Variants in LTBP4 observed in about 807,000 individuals in gnomAD.
LTBP4 encodes latent-transforming growth factor beta-binding protein 4.
A neutral mutation model predicts 180.2 loss-of-function variants in LTBP4; 93 were observed. The ratio of observed to expected loss-of-function variants is 0.52; its 90% CI spans 0.44 to 0.61. The LOEUF is 0.61. Among genes scored for constraint, LTBP4 ranks in the 20% least tolerant of loss-of-function variants. The pLI, the probability that LTBP4 is intolerant of heterozygous loss-of-function variation, is 0.00. For synonymous variants in LTBP4, 947 were observed against 934.5 expected, an observed-to-expected ratio of 1.01 and a Z score of -0.24; for missense variants, 2,116 against 2,256.5, an observed-to-expected ratio of 0.94 and a Z score of 1.26.
Position 40,613,713 on chromosome 19 carries a change from C to A in LTBP4, c.2557+184C>A. 1 of 1,216,808 alleles carries A rather than the reference C, an allele frequency of 8.2e-7. No homozygotes were observed. Among genetic ancestry groups the A allele is most frequent in the Non-Finnish European group, 1.2e-6 (1 of 862,894 alleles). The allele number at this position is 1,216,808 out of a possible 1,614,324, so 75.4% of individuals were successfully genotyped here. A position where few individuals can be genotyped will look rare whatever the true frequency, so the allele number is the denominator to read the frequency against. ...GGGCGGGGCGTGGAGATGAAAGGGC[C>A]GAGTCTGGGTATTTGGACCGTGATT... On this transcript the variant is annotated intron_variant, in intron 17 of 29. Coordinates refer to ENST00000396819, the MANE Select transcript of LTBP4 (RefSeq NM_001042545.2). The surrounding 1 kb of genome is among the most constrained non-coding windows in gnomAD (Gnocchi z 5.0).
Position 40,601,632 on chromosome 19 carries a change from G to T in LTBP4, c.245G>T (p.Arg82Leu), listed in dbSNP as rs2081424902. 2 of 1,367,682 alleles carry T rather than the reference G, an allele frequency of 1.5e-6. No homozygotes were observed. Among genetic ancestry groups the T allele is most frequent in the Non-Finnish European group, 1.9e-6 (2 of 1,067,418 alleles). The allele number at this position is 1,367,682 out of a possible 1,614,324, so 84.7% of individuals were successfully genotyped here. A position where few individuals can be genotyped will look rare whatever the true frequency, so the allele number is the denominator to read the frequency against. Residue 82 changes from arginine to leucine, a missense_variant, in exon 1 of 30, where the codon CGC becomes CTC. Coordinates refer to ENST00000396819, the MANE Select transcript of LTBP4 (RefSeq NM_001042545.2). ...GCGGCCCCGGGGGGACCCGGCTTCCGCGCCTGTGAGTGCGGGGTGGTGGTC... is the reference window on the plus strand; with the variant it reads ...GCGGCCCCGGGGGGACCCGGCTTCCTCGCCTGTGAGTGCGGGGTGGTGGTC... ...GGAAPGGPGF[R>L]AFLCPLICHN...
upstream of LTBP4, chr19:40,597,359 G>C (rs2081396768): frequency 6.6e-7 from 1 of 1,520,860 alleles, no homozygotes; most frequent in Admixed American, 2.0e-5. Context: ...GAGGTCCCGG[G>C]GGTCCCCAGC....
Position 40,605,673 on chromosome 19 carries a change from A to G in LTBP4, c.690+21A>G. Reference sequence around the variant, plus strand: ...GCGAAGTGAGAGGAGGCCCGTGGGGAGGGGCCCGGAGCTTGCCTCCGCGCG... The same window carrying G: ...GCGAAGTGAGAGGAGGCCCGTGGGGGGGGGCCCGGAGCTTGCCTCCGCGCG... On this transcript the variant is annotated intron_variant, in intron 3 of 29. Coordinates refer to ENST00000396819, the MANE Select transcript of LTBP4 (RefSeq NM_001042545.2). The surrounding 1 kb of genome is among the most constrained non-coding windows in gnomAD (Gnocchi z 5.5). 1 of 1,550,648 alleles carries G rather than the reference A, an allele frequency of 6.4e-7. No individual in the cohort carries two copies. Among genetic ancestry groups the G allele is most frequent in the South Asian group, 1.2e-5 (1 of 84,050 alleles).
In LTBP4 at chr19:40,616,326, C is replaced by CAAAAA. The variant is rs1220270634; in HGVS notation, c.2813-562_2813-561insAAAAA. ...GAAAAAAAAGCTGGATGGGGTGGCT[C>CAAAAA]ATGCCTATAATCCCAGCACTTTGGA... On this transcript the variant is annotated intron_variant, in intron 19 of 29. Transcript: ENST00000396819. Among the ~76,000 whole-genome samples, 14 of 145,586 alleles carry CAAAAA rather than the reference C, an allele frequency of 9.6e-5. 1 individual carries two copies. Among genetic ancestry groups the CAAAAA allele is most frequent in the African/African-American group, 1.3e-4 (5 of 38,214 alleles).
Position 40,617,738 on chromosome 19 carries a change from T to C in LTBP4, c.3070+513T>C, listed in dbSNP as rs2081560720. Among the ~76,000 whole-genome samples the C allele has an allele frequency of 2.0e-5, 3 of 152,158 alleles. No individual in the cohort carries two copies. The South Asian group carries it at 6.2e-4, about 32-fold the overall frequency. On this transcript the variant is annotated intron_variant, in intron 21 of 29. Coordinates refer to ENST00000396819, the MANE Select transcript of LTBP4 (RefSeq NM_001042545.2). Reference sequence around the variant, plus strand: ...GGTTTTATTTTTGTGTGTGTTCTTTTAAAAATGTATAAAGTATAAATGTAT... The same window carrying C: ...GGTTTTATTTTTGTGTGTGTTCTTTCAAAAATGTATAAAGTATAAATGTAT...
In LTBP4 at chr19:40,625,248, GTATTTATATATATATATATATATATATA is replaced by G. The variant is rs2081615796; in HGVS notation, c.3833-605_3833-578del. ...CCGCCACCAAGCCTGGCTAATTTTT[GTATTTATATATATATATATATATATATA>G]TATATATATATATATATATATATAT... On this transcript the variant is annotated intron_variant, in intron 26 of 29. Transcript: ENST00000396819. 1.3e-3 allele frequency among the ~76,000 whole-genome samples: 78 copies of G among 58,716 alleles called. 2 individuals carry two copies. Among genetic ancestry groups the G allele is most frequent in the Non-Finnish European group, 1.4e-3 (43 of 30,070 alleles). The allele number at this position is 58,716 out of a possible 152,430, so 38.5% of individuals were successfully genotyped here. A position where few individuals can be genotyped will look rare whatever the true frequency, so the allele number is the denominator to read the frequency against.
Position 40,613,402 on chromosome 19 carries a change from A to G in LTBP4, c.2432-2A>G. ...CTCCGCCCAATCTCCCGCGTACCCTAGACGTGAACGAGTGCCTGGAGGGCG... is the reference window on the plus strand; with the variant it reads ...CTCCGCCCAATCTCCCGCGTACCCTGGACGTGAACGAGTGCCTGGAGGGCG... On this transcript the variant is annotated splice_acceptor_variant, in intron 16 of 29. Coordinates refer to ENST00000396819, the MANE Select transcript of LTBP4 (RefSeq NM_001042545.2). LOFTEE classifies it high-confidence loss of function. This position sits in a 1 kb window ranked among gnomAD's most constrained non-coding sequence, Gnocchi z 5.0. The G allele has an allele frequency of 6.2e-7, 1 of 1,606,358 alleles. No individual in the cohort carries two copies. The highest frequency in any genetic ancestry group is 8.5e-7 in the Non-Finnish European group (1 of 1,177,082).
intron 19 of LTBP4, among the ~76,000 whole-genome samples, chr19:40,615,983 G>C (rs1290864800): frequency 6.6e-6 from 1 of 152,172 alleles, no homozygotes; most frequent in Non-Finnish European, 1.5e-5. Context: ...GGATGGAGGA[G>C]TGCTAGGAGG....
chr19:40,600,116 A>C (rs1372272734), upstream of LTBP4: 1 of 1,258,894 alleles, frequency 7.9e-7, no homozygotes, highest in African/African-American at 1.5e-5. The surrounding 1 kb of genome is among the most constrained non-coding windows in gnomAD (Gnocchi z 4.4). Flanking sequence ...CCCGGGGGCC[A>C]GGGGGCCGGG....
At chr19:40,595,613 C>A (rs1192250291) in intron 1 of LTBP4, among the ~76,000 whole-genome samples, 3 of 152,142 alleles carry the variant, frequency 2.0e-5, no homozygotes, top group Non-Finnish European at 2.9e-5. Context: ...AGGCTTGAAG[C>A]CTGGAACCCC....
At chr19:40,619,923 A>C (rs992709737) in intron 22 of LTBP4, among the ~76,000 whole-genome samples, 1 of 152,192 alleles carries the variant, frequency 6.6e-6, no homozygotes, top group Non-Finnish European at 1.5e-5. Flanking sequence ...GAAGAGGATT[A>C]GGGAGTTCTT....
chr19:40,607,591 C>CA lies in LTBP4; in HGVS notation c.1156+63dup. On this transcript the variant is annotated intron_variant, in intron 7 of 29. Transcript: ENST00000396819. ...CACATGTGGCGCTCATTCTACGCCC[C>CA]ACCCTCCAACCCTGAGTTCACTGCC... 4 of 1,488,718 alleles carry CA rather than the reference C, an allele frequency of 2.7e-6. No homozygotes were observed. In the South Asian group the frequency reaches 3.9e-5, roughly 15 times the overall value. The allele number at this position is 1,488,718 out of a possible 1,614,324, so 92.2% of individuals were successfully genotyped here.
Position 40,623,737 on chromosome 19 carries a change from A to G in LTBP4, c.3685+5A>G, listed in dbSNP as rs746079406. The G allele has an allele frequency of 9.3e-6, 15 of 1,613,600 alleles. No individual in the cohort carries two copies. Among genetic ancestry groups the G allele is most frequent in the Admixed American group, 1.7e-5 (1 of 59,978 alleles). On this transcript the variant is annotated splice_donor_5th_base_variant and intron_variant, in intron 25 of 29. Coordinates refer to ENST00000396819, the MANE Select transcript of LTBP4 (RefSeq NM_001042545.2). Reference sequence around the variant, plus strand: ...CACAGCGGCTGGAGTGCATCGGTACAAGCCCCACCTCCCCCAACCCCCGGC... The same window carrying G: ...CACAGCGGCTGGAGTGCATCGGTACGAGCCCCACCTCCCCCAACCCCCGGC...
chr19:40,601,507 G>A lies in LTBP4; in HGVS notation c.120G>A (p.Val40=). The change falls in exon 1 of 30, where the codon GTG becomes GTA. Residue 40 remains valine (V), a synonymous_variant. Coordinates refer to ENST00000396819, the MANE Select transcript of LTBP4 (RefSeq NM_001042545.2). Reference sequence around the variant, plus strand: ...TCCGCGTGCGCTTCACCCCGGTCGTGTGCGGCCTGCGCTGCGTCCATGGGC... The same window carrying A: ...TCCGCGTGCGCTTCACCCCGGTCGTATGCGGCCTGCGCTGCGTCCATGGGC... ...ERLRVRFTPV[V]CGLRCVHGPT... is the part of the protein sequence containing the mutation. 6.7e-7 allele frequency: 1 copy of A among 1,498,514 alleles called. No homozygotes were observed. The highest frequency in any genetic ancestry group is 8.8e-7 in the Non-Finnish European group (1 of 1,130,798). 92.8% of individuals were successfully genotyped at this position (1,498,514 alleles called of 1,614,324 possible). A position where few individuals can be genotyped will look rare whatever the true frequency, so the allele number is the denominator to read the frequency against.
intron 1 of LTBP4, among the ~76,000 whole-genome samples, chr19:40,603,325 C>CCTTTGGCA (rs2081436876): frequency 6.6e-6 from 1 of 152,036 alleles, no homozygotes; most frequent in Non-Finnish European, 1.5e-5. Context: ...TAATAAAAAG[C>CCTTTGGCA]CTTTGGCACT....
intron 1 of LTBP4, among the ~76,000 whole-genome samples, chr19:40,603,069 A>C (rs10410606): frequency 0.51 from 77,789 of 151,844 alleles, 20,844 homozygotes; most frequent in African/African-American, 0.66. Context: ...CCGCTCTCCA[A>C]CCATGGCAAC....
chr19:40,604,005 G>A (rs1462492764), intron 1 of LTBP4, among the ~76,000 whole-genome samples: 2 of 152,274 alleles, frequency 1.3e-5, no homozygotes, highest in African/African-American at 4.8e-5. Context: ...TCGTGGCTCC[G>A]CCCCGGTGCT....
chr19:40,609,692 G>T lies in LTBP4; in HGVS notation c.1558+31G>T. On this transcript the variant is annotated intron_variant, in intron 10 of 29. Transcript: ENST00000396819. The surrounding 1 kb of genome is among the most constrained non-coding windows in gnomAD (Gnocchi z 4.9). ...CAAGACGGAGGGCGCGGAAGGAGGC[G>T]GGGCGGGGGGCTTTGCCTGGTCACC... 6.2e-7 allele frequency: 1 copy of T among 1,611,704 alleles called. No individual in the cohort carries two copies. Among genetic ancestry groups the T allele is most frequent in the Middle Eastern group, 1.7e-4 (1 of 6,052 alleles).
intron 26 of LTBP4, 117 bp from the exon 27 acceptor site, chr19:40,625,740 T>G: frequency 1.6e-4 from 136 of 868,016 alleles, no homozygotes; most frequent in Middle Eastern, 3.0e-4. Flanking sequence ...TCACAGCTGA[T>G]GAGAAGGATT....
Sources: allele counts gnomAD v4.1 joint callset (sites outside exome capture counted in the v4.1 genomes callset), GRCh38; gene constraint gnomAD v4.1.1; non-coding constraint Gnocchi (gnomAD v3.1); transcripts MANE v1.5; gene names NCBI Gene and HGNC (gene_info 2026-07-23, HGNC 2026-07-21).